Variants in CFAP46 observed in about 807,000 individuals in gnomAD.
The protein encoded by CFAP46 is cilia and flagella associated protein 46.
In CFAP46, 245 loss-of-function variants were observed where a neutral mutation model predicts 325.7. The ratio of observed to expected loss-of-function variants is 0.75; its 90% confidence interval spans 0.68 to 0.84. The LOEUF (loss-of-function observed/expected upper bound fraction) is 0.84. Ranked by LOEUF, CFAP46 falls within the 40% of genes least tolerant of loss-of-function variation. The probability of loss-of-function intolerance (pLI) is 0.00; values close to 1 mark genes in which losing one functional copy is unlikely to be tolerated. For synonymous variants in CFAP46, 1,523 were observed against 1,495.9 expected (o/e 1.02, Z -0.42); for missense variants, 3,346 against 3,543.0 (o/e 0.94, Z 1.41).
chr10:132,934,631 G>A (rs1318621150), intron 8 of CFAP46, 121 bp downstream of exon 8: 1 of 668,664 alleles, frequency 1.5e-6, no homozygotes, highest in Non-Finnish European at 2.6e-6. Context: ...CCTCCACAAT[G>A]GCTGGCTTTT....
chr10:132,848,223 GAT>G (rs1848473695), intron 41 of CFAP46, among the ~76,000 whole-genome samples: 1 of 152,114 alleles, frequency 6.6e-6, no homozygotes, highest in South Asian at 2.1e-4. Context: ...AATTAAACAA[GAT>G]ACAATCATCA....
At position 132,869,361 on chromosome 10, in the gene CFAP46, G is replaced by T; in HGVS notation, c.4523C>A (p.Ala1508Glu). The T allele has an allele frequency of 6.5e-7, 1 of 1,531,700 alleles. No homozygotes were observed. The highest frequency in any genetic ancestry group is 8.8e-7 in the Non-Finnish European group (1 of 1,141,454). 94.9% of individuals were successfully genotyped at this position (1,531,700 alleles called of 1,614,324 possible). A position where few individuals can be genotyped will look rare whatever the true frequency, so the allele number is the denominator to read the frequency against. ...TTCTCTCAGCTTCAGCTCGGAGCAC[G>T]CGTGGGCGAGGCTGTGGGGAGTGTG... ...SDLYHLRLAH[A>E]CSELKLREAA... is the part of the protein sequence containing the mutation. Residue 1508 changes from alanine (A) to glutamate (E), a missense_variant, in exon 33 of 58, where the codon GCG becomes GAG. Transcript: ENST00000368586. The surrounding 1 kb of genome is among the most constrained non-coding windows in gnomAD (Gnocchi z 6.2).
intron 55 of CFAP46, among the ~76,000 whole-genome samples, chr10:132,811,944 G>A (rs73389095): frequency 0.023 from 3,528 of 152,310 alleles, 112 homozygotes; most frequent in African/African-American, 0.077. Context: ...AGCAACTCCC[G>A]AGTCCCTAAA....
rs1244810077 is a variant in CFAP46, at chr10:132,920,182, A to G, written c.1607T>C (p.Val536Ala). The G allele has an allele frequency of 1.3e-6, 2 of 1,531,094 alleles. No individual in the cohort carries two copies. The highest frequency in any genetic ancestry group is 5.0e-5 in the East Asian group (2 of 39,848). 94.8% of individuals were successfully genotyped at this position (1,531,094 alleles called of 1,614,324 possible). The change falls in exon 14 of 58, where the codon GTC (valine) becomes GCC (alanine). Residue 536 changes from valine to alanine, a missense_variant and splice_region_variant. Physicochemically the swap from Val to Ala is moderately conservative, Grantham distance 64. Transcript: ENST00000368586. The stretch of plus-strand genomic sequence containing the variant: ...CCGGCCCCTGTTCTTCCCGGTGGAG[A>G]CTGAGGGCGGAAATGCAAAGGCAGG... ...IVLDSENEAK[V>A]STGKNRGRFT...
At chr10:132,855,212 T>C (rs1327470930) in intron 39 of CFAP46, among the ~76,000 whole-genome samples, 1 of 152,264 alleles carries the variant, frequency 6.6e-6, no homozygotes, top group Non-Finnish European at 1.5e-5. Flanking sequence ...AACTCTGTTA[T>C]TAGCTACAGA....
chr10:132,836,615 G>C (rs113359373), intron 45 of CFAP46, among the ~76,000 whole-genome samples: 1 of 137,878 alleles, frequency 7.3e-6, no homozygotes, highest in East Asian at 2.1e-4. Flanking sequence ...ACAGGAAGGG[G>C]TGTGTGGCGT....
In CFAP46 at chr10:132,847,239, G is replaced by A. The variant is rs372219421; in HGVS notation, c.6035C>T (p.Pro2012Leu). ...CTCCTCCGGGGCTGCCCTGGAGGCC[G>A]GCGGGTCCCTGCTGGACTTTGTGGC... ...EGATKSSRDP[P>L]ASRAAPEEHC... The change falls in exon 42 of 58, where the codon CCG (proline) becomes CTG (leucine). Residue 2012 changes from proline (P) to leucine (L), a missense_variant. Physicochemically the swap from Pro to Leu is moderately conservative, Grantham distance 98. Coordinates refer to ENST00000368586, the MANE Select transcript of CFAP46 (RefSeq NM_001200049.3). The surrounding 1 kb of genome is among the most constrained non-coding windows in gnomAD (Gnocchi z 5.2). The A allele has an allele frequency of 4.5e-5, 73 of 1,613,288 alleles. No homozygotes were observed. In the African/African-American group the frequency reaches 6.8e-4, roughly 15 times the overall value.
rs1849741135 is a variant in CFAP46 at position 132,922,536 on chromosome 10, T to C, written c.1429A>G (p.Thr477Ala). Residue 477 changes from threonine to alanine, a missense_variant, in exon 12 of 58, where the codon ACG becomes GCG. Transcript: ENST00000368586. The stretch of plus-strand genomic sequence containing the variant: ...GCGCGCTCAGGGGCCTGGTATAGCG[T>C]GGTGCACAGACGCAGCCGGGTGGAG... ...MASTRLRLCT[T>A]LYQAPERAED... The C allele has an allele frequency of 6.5e-7, 1 of 1,547,796 alleles. No individual in the cohort carries two copies. Among genetic ancestry groups the C allele is most frequent in the Non-Finnish European group, 8.7e-7 (1 of 1,146,692 alleles).
chr10:132,821,906 TGCTGATGTGTGCTGTGTGTGC>T (rs1445022918), intron 50 of CFAP46, among the ~76,000 whole-genome samples: 7 of 137,502 alleles, frequency 5.1e-5, no homozygotes, highest in Non-Finnish European at 6.1e-5. Context: ...GTTGTGTGAG[TGCTGATGTGTGCTGTGTGTGC>T]GCTGATGTGT....
intron 16 of CFAP46, 122 bp from the exon 17 acceptor site, chr10:132,916,804 C>T: frequency 7.4e-7 from 1 of 1,345,910 alleles, no homozygotes; most frequent in Non-Finnish European, 9.7e-7. Context: ...GCTGTGAGAC[C>T]CGTTTGCTGT....
chr10:132,909,407 G>A (rs1333339231), intron 20 of CFAP46, among the ~76,000 whole-genome samples, 163 bp from the exon 21 acceptor site: 2 of 152,244 alleles, frequency 1.3e-5, no homozygotes, highest in African/African-American at 4.8e-5. Flanking sequence ...TGACCTGCAG[G>A]TCATCTTCTC....
chr10:132,832,288 C>T lies in CFAP46; in HGVS notation c.7117+1070G>A, dbSNP rs978116599. ...ATCTCGGAGTGGCCGTTCCTTGCAG[C>T]TCTCTCCTTCCAGGTGTCCCGCCCT... On this transcript the variant is annotated intron_variant, in intron 50 of 57. Transcript: ENST00000368586. The surrounding 1 kb of genome is among the most constrained non-coding windows in gnomAD (Gnocchi z 4.1). Among the ~76,000 whole-genome samples the T allele has an allele frequency of 6.6e-6, 1 of 151,822 alleles. No individual in the cohort carries two copies. Among genetic ancestry groups the T allele is most frequent in the Non-Finnish European group, 1.5e-5 (1 of 68,000 alleles).
chr10:132,929,099 A>T (rs1466290852), intron 9 of CFAP46: 2 of 186,234 alleles, frequency 1.1e-5, no homozygotes, highest in African/African-American at 4.7e-5. Flanking sequence ...AACCCAGTGG[A>T]GGCCTGAAAC....
chr10:132,927,320 G>T (rs957528366), intron 9 of CFAP46, among the ~76,000 whole-genome samples: 1 of 149,592 alleles, frequency 6.7e-6, no homozygotes, highest in Non-Finnish European at 1.5e-5. Context: ...CAGGTCCTCG[G>T]CGGCAGACGC....
rs1848462993 is a variant in CFAP46 at position 132,847,655 on chromosome 10, C to A, written c.5953-334G>T. ...TTCCCAGGGGGCTCTCGTTCCTGTC[C>A]TTTGGAAACACCTCTCCCGGAACCA... On this transcript the variant is annotated intron_variant, in intron 41 of 57. Transcript: ENST00000368586. This position sits in a 1 kb window ranked among gnomAD's most constrained non-coding sequence, Gnocchi z 5.2. Among the ~76,000 whole-genome samples, 1 of 152,022 alleles carries A rather than the reference C, an allele frequency of 6.6e-6. No homozygotes were observed. Among genetic ancestry groups the A allele is most frequent in the Non-Finnish European group, 1.5e-5 (1 of 67,998 alleles).
Position 132,847,031 on chromosome 10 carries a change from A to T in CFAP46, c.6168T>A (p.Ser2056Arg). Reference protein sequence around the residue: ...LLQCLQVALGSGLLDVAAAAS... With the variant: ...LLQCLQVALGRGLLDVAAAAS... ...CGGCTGCTGCGACATCCAGGAGGCCACTGCCAAGGGCCACCTGTAGGCACT... is the reference window on the plus strand; with the variant it reads ...CGGCTGCTGCGACATCCAGGAGGCCTCTGCCAAGGGCCACCTGTAGGCACT... The change falls in exon 43 of 58, where the codon AGT (serine) becomes AGA (arginine). Residue 2056 changes from serine (S) to arginine (R), a missense_variant. By Grantham distance (110) the Ser-to-Arg change is moderately radical (BLOSUM62 -1). Transcript: ENST00000368586. This position sits in a 1 kb window ranked among gnomAD's most constrained non-coding sequence, Gnocchi z 5.2. The T allele has an allele frequency of 6.2e-7, 1 of 1,611,934 alleles. No individual in the cohort carries two copies. Among genetic ancestry groups the T allele is most frequent in the Middle Eastern group, 1.8e-4 (1 of 5,468 alleles).
Position 132,867,375 on chromosome 10 carries a change from C to A in CFAP46, c.4743G>T (p.Lys1581Asn). 6.5e-7 allele frequency: 1 copy of A among 1,549,666 alleles called. No homozygotes were observed. Among genetic ancestry groups the A allele is most frequent in the Non-Finnish European group, 8.7e-7 (1 of 1,146,820 alleles). Residue 1581 changes from lysine (K) to asparagine (N), a missense_variant and splice_region_variant, in exon 34 of 58, where the codon AAG (lysine) becomes AAT (asparagine). Lys to Asn is a moderately conservative substitution (Grantham distance 94). Coordinates refer to ENST00000368586, the MANE Select transcript of CFAP46 (RefSeq NM_001200049.3). The stretch of plus-strand genomic sequence containing the variant: ...GAGGGATTCTGGACGGTGAGGTTAC[C>A]TTGTCCTTGGCGTCCAGTGGTTTGA... ...GEIKPLDAKDKILKMNGETGR... is the reference protein window; with the variant it reads ...GEIKPLDAKDNILKMNGETGR...
chr10:132,823,228 G>GC (rs1847928333), intron 50 of CFAP46, among the ~76,000 whole-genome samples: 4 of 133,740 alleles, frequency 3.0e-5, no homozygotes, highest in South Asian at 2.6e-4. Flanking sequence ...TGCTGTGTGT[G>GC]TGCTGTGTGC....
At chr10:132,942,213 A>C in intron 1 of CFAP46, 109 bp from the exon 2 acceptor site, 1 of 1,413,814 alleles carries the variant, frequency 7.1e-7, no homozygotes, top group Non-Finnish European at 9.5e-7. Flanking sequence ...CCCGGGCCAC[A>C]GCCACCGTCA....
Sources: allele counts gnomAD v4.1 joint callset (sites outside exome capture counted in the v4.1 genomes callset), GRCh38; gene constraint gnomAD v4.1.1; non-coding constraint Gnocchi (gnomAD v3.1); transcripts MANE v1.5; gene names NCBI Gene and HGNC (gene_info 2026-07-23, HGNC 2026-07-21).